NSL1: variants seen among roughly 807,000 people sequenced by gnomAD.
NSL1 encodes kinetochore-associated protein NSL1 homolog.
Under a neutral mutation model 25.4 loss-of-function variants are expected in NSL1, and 11 were observed. The ratio of observed to expected loss-of-function variants is 0.43; its 90% CI spans 0.27 to 0.72. NSL1 has a LOEUF of 0.72. NSL1 is among the 30% of genes least tolerant of loss of function. The pLI is 0.19. For synonymous variants in NSL1, 118 were observed against 120.6 expected, an observed-to-expected ratio of 0.98 and a Z score of 0.14; for missense variants, 330 against 342.7, an observed-to-expected ratio of 0.96 and a Z score of 0.29.
chr1:212,783,321 A>G (rs996722531), intron 3 of NSL1, among the ~76,000 whole-genome samples: 11 of 152,158 alleles, frequency 7.2e-5, no homozygotes, highest in Non-Finnish European at 1.3e-4. Context: ...GGGCAGTAAC[A>G]AGGGCAACAC....
At position 212,733,433 on chromosome 1, in the gene NSL1, C is replaced by CAAAAAAAAAAA. The variant is rs140675222; in HGVS notation, c.*4964_*4974dup. Among the ~76,000 whole-genome samples, 1 of 135,900 alleles carries CAAAAAAAAAAA rather than the reference C, an allele frequency of 7.4e-6. No homozygotes were observed. The highest frequency in any genetic ancestry group is 2.7e-5 in the African/African-American group (1 of 37,216). 89.2% of individuals were successfully genotyped at this position (135,900 alleles called of 152,430 possible). On this transcript the variant is annotated 3_prime_UTR_variant, in exon 6 of 6. Coordinates refer to ENST00000366977, the MANE Select transcript of NSL1 (RefSeq NM_015471.4). ...GGCAACACAGCAAGACCTTGTTTCA[C>CAAAAAAAAAAA]AAAAAAAAAAAAAAAAAAATCCCAT...
At position 212,730,379 on chromosome 1, in the gene NSL1, A is replaced by C; in HGVS notation, c.*8029T>G. 1.0e-6 allele frequency: 1 copy of C among 985,258 alleles called. No individual in the cohort carries two copies. The highest frequency in any genetic ancestry group is 1.2e-6 in the Non-Finnish European group (1 of 829,896). The allele number at this position is 985,258 out of a possible 1,614,324, so 61.0% of individuals were successfully genotyped here. The stretch of plus-strand genomic sequence containing the variant: ...TGGACAAAAGAACTCCAATGACATC[A>C]TTGTAGAAGATGTGGGCCACAGAGC... On this transcript the variant is annotated 3_prime_UTR_variant, in exon 6 of 6. Coordinates refer to ENST00000366977, the MANE Select transcript of NSL1 (RefSeq NM_015471.4).
chr1:212,751,844 T>C (rs1659079506), intron 4 of NSL1, among the ~76,000 whole-genome samples: 1 of 152,148 alleles, frequency 6.6e-6, no homozygotes, highest in African/African-American at 2.4e-5. Context: ...ATATATATAC[T>C]TTTCACTCCC....
chr1:212,763,376 GA>G (rs796654316), intron 4 of NSL1, among the ~76,000 whole-genome samples: 1 of 148,032 alleles, frequency 6.8e-6, no homozygotes, highest in Non-Finnish European at 1.5e-5. Context: ...ACAACAGAAT[GA>G]AAAAAAAACA....
chr1:212,784,271 A>C (rs1363265837), intron 3 of NSL1, 92 bp downstream of exon 3: 2 of 847,526 alleles, frequency 2.4e-6, no homozygotes, highest in Middle Eastern at 3.5e-4. Context: ...AAAAGACAAC[A>C]AAATGTCACT....
Position 212,729,979 on chromosome 1 carries a change from G to A in NSL1, c.*8429C>T. ...TTTAAGAATGAAATGGGCCGGGCGT[G>A]GCGGCTCACTCCTGTAATCACAGCA... On this transcript the variant is annotated 3_prime_UTR_variant, in exon 6 of 6. Transcript: ENST00000366977. The A allele has an allele frequency of 1.0e-6, 1 of 985,056 alleles. No individual in the cohort carries two copies. Among genetic ancestry groups the A allele is most frequent in the Non-Finnish European group, 1.2e-6 (1 of 829,838 alleles). The allele number at this position is 985,056 out of a possible 1,614,324, so 61.0% of individuals were successfully genotyped here.
rs201485205 is a variant in NSL1 at position 212,791,695 on chromosome 1, C to T, written c.69G>A (p.Glu23=). ...GAGTGGCGGAGACCAAGGCCTGGCT[C>T]TCTGTGCCAGCCGCGAGCTCCTTGT... ...PWDKELAAGT[E]SQALVSATPR... The change falls in exon 1 of 6, where the codon GAG becomes GAA. Residue 23 remains glutamate (E), a synonymous_variant. Transcript: ENST00000366977. 2 of 1,614,012 alleles carry T rather than the reference C, an allele frequency of 1.2e-6. No homozygotes were observed. Among genetic ancestry groups the T allele is most frequent in the Non-Finnish European group, 1.7e-6 (2 of 1,180,024 alleles).
intron 4 of NSL1, among the ~76,000 whole-genome samples, chr1:212,742,174 TTAATA>T (rs1414832857): frequency 1.3e-5 from 2 of 152,202 alleles, no homozygotes; most frequent in Non-Finnish European, 2.9e-5. Flanking sequence ...AAATATGTAC[TTAATA>T]TGTTTAAATA....
At chr1:212,765,806 A>T (rs868542734) in intron 4 of NSL1, among the ~76,000 whole-genome samples, 1 of 141,804 alleles carries the variant, frequency 7.1e-6, no homozygotes, top group Middle Eastern at 3.5e-3. Context: ...CTCTGTCTTT[A>T]AAAAAAAAAA....
intron 4 of NSL1, among the ~76,000 whole-genome samples, chr1:212,745,176 A>AC (rs1658718090): frequency 2.1e-4 from 6 of 29,166 alleles, no homozygotes; most frequent in Non-Finnish European, 4.4e-4. Flanking sequence ...ATATATATAT[A>AC]TATATATATA....
chr1:212,729,438 C>T lies in NSL1; in HGVS notation c.*8970G>A, dbSNP rs1245085073. On this transcript the variant is annotated 3_prime_UTR_variant, in exon 6 of 6. Transcript: ENST00000366977. ...ATGTGTGTAATAAAAGGTGTGGCTA[C>T]GAAAAATCATTTTACAATATTGTCT... 1.0e-5 allele frequency: 10 copies of T among 985,204 alleles called. No individual in the cohort carries two copies. The African/African-American group carries it at 1.2e-4, about 12-fold the overall frequency. 61.0% of individuals were successfully genotyped at this position (985,204 alleles called of 1,614,324 possible).
rs191036125 is a variant in NSL1, at chr1:212,749,111, G to A, written c.500-9510C>T. Among the ~76,000 whole-genome samples, 455 of 152,100 alleles carry A rather than the reference G, an allele frequency of 3.0e-3. 2 individuals are homozygous for A. The highest frequency in any genetic ancestry group is 0.01 in the African/African-American group (419 of 41,498). Reference sequence around the variant, plus strand: ...TGGTGGCAGTTACATGTGTGTAGGTGTATGCATGTAAATAAATTCATAAAG... The same window carrying A: ...TGGTGGCAGTTACATGTGTGTAGGTATATGCATGTAAATAAATTCATAAAG... On this transcript the variant is annotated intron_variant, in intron 4 of 5. Coordinates refer to ENST00000366977, the MANE Select transcript of NSL1 (RefSeq NM_015471.4).
chr1:212,780,305 G>A (rs1471189553), intron 4 of NSL1, among the ~76,000 whole-genome samples: 5 of 152,072 alleles, frequency 3.3e-5, no homozygotes, highest in South Asian at 2.1e-4. Flanking sequence ...CTTGAAGGCA[G>A]CGTGCTCGTT....
In NSL1 at chr1:212,760,574, C is replaced by A. The variant is rs911188868; in HGVS notation, c.500-20973G>T. Among the ~76,000 whole-genome samples, 2 of 152,120 alleles carry A rather than the reference C, an allele frequency of 1.3e-5. No homozygotes were observed. Among genetic ancestry groups the A allele is most frequent in the Non-Finnish European group, 2.9e-5 (2 of 68,008 alleles). ...ACCACCACCATCACCGCCAGGACCC[C>A]CCTAAATGTGCTCTGGGGGGACTGG... On this transcript the variant is annotated intron_variant, in intron 4 of 5. Transcript: ENST00000366977. The surrounding 1 kb of genome is among the most constrained non-coding windows in gnomAD (Gnocchi z 4.3).
At chr1:212,777,410 A>G (rs1341278967) in intron 4 of NSL1, among the ~76,000 whole-genome samples, 1 of 152,192 alleles carries the variant, frequency 6.6e-6, no homozygotes, top group African/African-American at 2.4e-5. Flanking sequence ...GTCAAGAAAA[A>G]AAGGAACAAT....
intron 4 of NSL1, among the ~76,000 whole-genome samples, chr1:212,779,561 G>A (rs1373746452): frequency 9.3e-6 from 1 of 107,544 alleles, no homozygotes; most frequent in African/African-American, 3.8e-5. Flanking sequence ...GGAGGTGGGG[G>A]TGTCAGCCCC....
intron 1 of NSL1, among the ~76,000 whole-genome samples, 192 bp downstream of exon 1, chr1:212,791,338 T>C (rs943669855): frequency 6.6e-6 from 1 of 152,256 alleles, no homozygotes; most frequent in Non-Finnish European, 1.5e-5. Context: ...AGCGCTGGTC[T>C]AAGTAATTAA....
chr1:212,787,152 C>T (rs924115438), intron 2 of NSL1, among the ~76,000 whole-genome samples: 28 of 144,750 alleles, frequency 1.9e-4, no homozygotes, highest in African/African-American at 7.2e-4. Flanking sequence ...GACAGTGAGA[C>T]TTCATCTCAA....
intron 1 of NSL1, among the ~76,000 whole-genome samples, chr1:212,790,900 G>A (rs1661193763): frequency 6.6e-6 from 1 of 151,532 alleles, no homozygotes; most frequent in Non-Finnish European, 1.5e-5. Context: ...TCCAGCCTGG[G>A]CGACAGAGCG....
Sources: allele counts gnomAD v4.1 joint callset (sites outside exome capture counted in the v4.1 genomes callset), GRCh38; gene constraint gnomAD v4.1.1; non-coding constraint Gnocchi (gnomAD v3.1); transcripts MANE v1.5; gene names NCBI Gene and HGNC (gene_info 2026-07-23, HGNC 2026-07-21).